Variants in PMFBP1 observed in about 807,000 individuals in gnomAD.
The protein encoded by PMFBP1 is polyamine modulated factor 1 binding protein 1, also known as polyamine-modulated factor 1-binding protein 1.
PMFBP1 carries 131 observed loss-of-function variants against 137.8 expected under a neutral mutation model. The observed-to-expected ratio is 0.95, with a 90% confidence interval of 0.82 to 1.10. The LOEUF (loss-of-function observed/expected upper bound fraction) is 1.10, where lower values mean the gene tolerates loss of function less well. Among genes scored for constraint, PMFBP1 ranks in the 50% least tolerant of loss-of-function variants. The pLI is 0.00. For synonymous variants in PMFBP1, 490 were observed against 450.4 expected, an observed-to-expected ratio of 1.09 and a Z score of -1.11; for missense variants, 1,199 against 1,175.4, an observed-to-expected ratio of 1.02 and a Z score of -0.29.
In PMFBP1 at chr16:72,123,008, G is replaced by C; in HGVS notation, c.2694-20C>G. On this transcript the variant is annotated intron_variant, in intron 18 of 20. Coordinates refer to ENST00000237353, the MANE Select transcript of PMFBP1 (RefSeq NM_031293.3). The stretch of plus-strand genomic sequence containing the variant: ...GCGACCCTGTAATAAAATCACAGGA[G>C]AAAACAGCAGCCAGTCGCCAGCCTC... 6.2e-7 allele frequency: 1 copy of C among 1,607,074 alleles called. No homozygotes were observed. The highest frequency in any genetic ancestry group is 8.5e-7 in the Non-Finnish European group (1 of 1,176,596).
chr16:72,130,470 G>T, intron 11 of PMFBP1, 63 bp downstream of exon 11: 2 of 1,607,300 alleles, frequency 1.2e-6, no homozygotes, highest in Non-Finnish European at 1.7e-6. Flanking sequence ...GCTGCCCACA[G>T]AGGGCCCGGC....
Position 72,132,788 on chromosome 16 carries a change from C to T in PMFBP1, c.1407G>A (p.Lys469=), listed in dbSNP as rs758537546. The change falls in exon 10 of 21, where the codon AAG becomes AAA. Residue 469 remains lysine, a synonymous_variant. Transcript: ENST00000237353. ...GCTGCTTGGCCTCTTCGAGACTGTT[C>T]TTCAGCTTCTGGACCTCAGCCTGCA... The part of the protein sequence containing the change: ...KALQAEVQKL[K]NSLEEAKQQE... 6.2e-7 allele frequency: 1 copy of T among 1,614,232 alleles called. No homozygotes were observed.
At chr16:72,130,438 C>T (rs2042532003) in intron 11 of PMFBP1, 81 bp from the exon 12 acceptor site, 3 of 1,606,840 alleles carry the variant, frequency 1.9e-6, no homozygotes, top group South Asian at 2.2e-5. Flanking sequence ...ATGGGAAATC[C>T]TTGCTCTCCC....
At chr16:72,234,423 T>G in the PMFBP1 span, among the ~76,000 whole-genome samples, 2 of 152,128 alleles carry the variant, frequency 1.3e-5, no homozygotes, top group South Asian at 4.1e-4. Context: ...TGACCTATTC[T>G]CATTATGATA....
the PMFBP1 span, among the ~76,000 whole-genome samples, chr16:72,204,690 G>A: frequency 2.0e-5 from 3 of 152,164 alleles, no homozygotes; most frequent in East Asian, 5.8e-4. Context: ...TCCCTGGCTA[G>A]TACTTGATAT....
chr16:72,201,892 C>T, the PMFBP1 span, among the ~76,000 whole-genome samples: 3 of 152,220 alleles, frequency 2.0e-5, no homozygotes, highest in Non-Finnish European at 1.5e-5. Context: ...CCACTTCCTC[C>T]TCCAGGAAGG....
chr16:72,122,866 T>G (rs1265591423), intron 19 of PMFBP1, 48 bp downstream of exon 19: 1 of 1,561,862 alleles, frequency 6.4e-7, no homozygotes, highest in East Asian at 2.2e-5. Flanking sequence ...CTGCTGACCC[T>G]TCTTGTCAGC....
chr16:72,233,359 T>G, the PMFBP1 span, among the ~76,000 whole-genome samples: 1 of 152,138 alleles, frequency 6.6e-6, no homozygotes, highest in African/African-American at 2.4e-5. Flanking sequence ...AAGAATGAAT[T>G]CTACTTGGCT....
the PMFBP1 span, among the ~76,000 whole-genome samples, chr16:72,246,716 T>C: frequency 1.7e-3 from 256 of 152,160 alleles, no homozygotes; most frequent in African/African-American, 4.6e-3. Flanking sequence ...ATTGACTGGT[T>C]ATTATTCTCT....
chr16:72,148,397 C>A (rs1321305204), intron 5 of PMFBP1, among the ~76,000 whole-genome samples: 1 of 152,014 alleles, frequency 6.6e-6, no homozygotes, highest in Non-Finnish European at 1.5e-5. Context: ...GGAGGGATAG[C>A]ATTAGGAGAA....
chr16:72,126,188 T>C, intron 14 of PMFBP1, 56 bp from the exon 15 acceptor site: 1 of 1,566,106 alleles, frequency 6.4e-7, no homozygotes, highest in Non-Finnish European at 8.7e-7. Flanking sequence ...ATAGAGGCAT[T>C]CTCTGTGCCT....
chr16:72,170,371 T>A (rs1250832301), intron 2 of PMFBP1, among the ~76,000 whole-genome samples: 1 of 152,076 alleles, frequency 6.6e-6, no homozygotes, highest in African/African-American at 2.4e-5. Context: ...AATCCTTTAC[T>A]CATCAAAAAA....
At chr16:72,170,564 G>A (rs986992369) in intron 2 of PMFBP1, among the ~76,000 whole-genome samples, 1 of 152,048 alleles carries the variant, frequency 6.6e-6, no homozygotes, top group African/African-American at 2.4e-5. Flanking sequence ...TGAGTGGCTG[G>A]GACCAAAAGA....
chr16:72,130,689 G>A lies in PMFBP1; in HGVS notation c.1481C>T (p.Ala494Val). ...QQAAQCKEEA[A>V]LAGCHLEDTQ... Reference sequence around the variant, plus strand: ...GTCCTCCAGGTGACAGCCTGCCAGTGCAGCCTCTTCTTTGCACTGGGCTGC... The same window carrying A: ...GTCCTCCAGGTGACAGCCTGCCAGTACAGCCTCTTCTTTGCACTGGGCTGC... The change falls in exon 11 of 21, where the codon GCA (alanine) becomes GTA (valine). Residue 494 changes from alanine (A) to valine (V), a missense_variant. Physicochemically the swap from Ala to Val is moderately conservative, Grantham distance 64 (BLOSUM62 0). Coordinates refer to ENST00000237353, the MANE Select transcript of PMFBP1 (RefSeq NM_031293.3). 4.3e-6 allele frequency: 7 copies of A among 1,613,420 alleles called. No homozygotes were observed. The highest frequency in any genetic ancestry group is 5.9e-6 in the Non-Finnish European group (7 of 1,179,974).
the PMFBP1 span, among the ~76,000 whole-genome samples, chr16:72,223,463 G>C: frequency 6.6e-6 from 1 of 152,232 alleles, no homozygotes; most frequent in Non-Finnish European, 1.5e-5. Flanking sequence ...TCAGCTGGCT[G>C]TTCTGATATG....
chr16:72,181,111 C>T (rs1002660218), upstream of PMFBP1, among the ~76,000 whole-genome samples: 12 of 151,736 alleles, frequency 7.9e-5, no homozygotes, highest in South Asian at 8.3e-4. Context: ...TGGTGGCGCG[C>T]GCCTGTAATC....
intron 9 of PMFBP1, among the ~76,000 whole-genome samples, chr16:72,135,740 G>GTTTTTTTTTTTTTTTTTTTT (rs869189990): frequency 1.5e-5 from 1 of 66,816 alleles, no homozygotes; most frequent in African/African-American, 6.5e-5. Flanking sequence ...TAATTTTTCT[G>GTTTTTTTTTTTTTTTTTTTT]TTTTTTTTTT....
intron 5 of PMFBP1, among the ~76,000 whole-genome samples, chr16:72,143,956 G>A (rs1185999673): frequency 4.6e-5 from 7 of 152,018 alleles, no homozygotes; most frequent in African/African-American, 9.7e-5. Context: ...CAGGAGAATC[G>A]CTTGAACCTG....
the PMFBP1 span, among the ~76,000 whole-genome samples, chr16:72,246,246 ATG>A: frequency 6.6e-6 from 1 of 152,174 alleles, no homozygotes. Context: ...TAAATAGGTG[ATG>A]TGTGTTCTAA....
Sources: gnomAD v4.1 joint callset for allele counts (sites outside exome capture counted in the v4.1 genomes callset) on GRCh38, gnomAD v4.1.1 for gene constraint, MANE v1.5 for transcripts, NCBI Gene and HGNC (gene_info 2026-07-23, HGNC 2026-07-21) for gene names.